The following NPSR1 variants were observed in gnomAD, a reference collection of about 807,000 sequenced individuals.
The protein encoded by NPSR1 is neuropeptide S receptor.
A neutral mutation model predicts 46.9 loss-of-function variants in NPSR1; 48 were observed. That is an observed-to-expected ratio of 1.02 (90% confidence interval 0.81 to 1.30). NPSR1 has a LOEUF of 1.30. Among genes scored for constraint, NPSR1 ranks in the 50% most tolerant of loss-of-function variants. The probability of loss-of-function intolerance (pLI) is 0.00; values close to 1 mark genes in which losing one functional copy is unlikely to be tolerated. For missense variants in NPSR1, 450 were observed against 449.5 expected, an observed-to-expected ratio of 1.00 and a Z score of -0.01; for synonymous variants, 176 against 168.1, an observed-to-expected ratio of 1.05 and a Z score of -0.36.
At chr7:34,721,609 A>C (rs1031894245) in intron 2 of NPSR1, among the ~76,000 whole-genome samples, 3 of 152,258 alleles carry the variant, frequency 2.0e-5, no homozygotes, top group African/African-American at 4.8e-5. Flanking sequence ...CCAAAGTTTC[A>C]GGTAGCACAA....
intron 4 of NPSR1, among the ~76,000 whole-genome samples, chr7:34,815,501 T>A (rs1296640002): frequency 6.6e-6 from 1 of 152,208 alleles, no homozygotes; most frequent in Non-Finnish European, 1.5e-5. Context: ...ACACTCTTCA[T>A]GATATTATCC....
At chr7:34,833,055 G>C in intron 5 of NPSR1, among the ~76,000 whole-genome samples, 1 of 152,202 alleles carries the variant, frequency 6.6e-6, no homozygotes, top group Non-Finnish European at 1.5e-5. Flanking sequence ...GGTTCACTCA[G>C]CAAGAATGGG....
chr7:34,845,465 C>T, intron 7 of NPSR1: 1 of 420,806 alleles, frequency 2.4e-6, no homozygotes, highest in Non-Finnish European at 4.7e-6. Context: ...TCTCTCTACT[C>T]TTAAGACTCA....
chr7:34,691,782 A>G (rs1793274535), intron 2 of NPSR1, among the ~76,000 whole-genome samples: 1 of 152,008 alleles, frequency 6.6e-6, no homozygotes, highest in East Asian at 1.9e-4. Flanking sequence ...CTCCACTGAC[A>G]TCAGTAGACA....
chr7:34,849,608 A>G lies in NPSR1; in HGVS notation c.1069A>G (p.Thr357Ala). ...TTCCAGAATGACGTTCCGGGAGAGA[A>G]CTGAGAGGCATGAGATGCAGATTCT... is the stretch of plus-strand genomic sequence containing the variant. ...QDSRMTFRERTERHEMQILSK... is the reference protein window; with the variant it reads ...QDSRMTFRERAERHEMQILSK... Residue 357 changes from threonine (T) to alanine (A), a missense_variant, in exon 9 of 9, where the codon ACT (threonine) becomes GCT (alanine). Transcript: ENST00000360581. 6.2e-7 allele frequency: 1 copy of G among 1,614,134 alleles called. No homozygotes were observed. Among genetic ancestry groups the G allele is most frequent in the Non-Finnish European group, 8.5e-7 (1 of 1,180,022 alleles).
intron 3 of NPSR1, among the ~76,000 whole-genome samples, chr7:34,808,461 T>C (rs1361250033): frequency 6.6e-6 from 1 of 152,188 alleles, no homozygotes; most frequent in African/African-American, 2.4e-5. Context: ...AAATTGAACA[T>C]GATGTCTTTC....
At chr7:34,847,857 T>C (rs1187902539) in intron 7 of NPSR1, among the ~76,000 whole-genome samples, 1 of 152,186 alleles carries the variant, frequency 6.6e-6, no homozygotes, top group Non-Finnish European at 1.5e-5. Context: ...CCATCACACC[T>C]GAATCCCCAC....
chr7:34,669,178 A>C (rs1791910701), intron 1 of NPSR1, among the ~76,000 whole-genome samples: 1 of 152,218 alleles, frequency 6.6e-6, no homozygotes, highest in African/African-American at 2.4e-5. Context: ...TTGTCAGGGG[A>C]ATATGAAATA....
At chr7:34,810,063 A>C (rs1241481705) in intron 3 of NPSR1, among the ~76,000 whole-genome samples, 1 of 152,206 alleles carries the variant, frequency 6.6e-6, no homozygotes, top group Non-Finnish European at 1.5e-5. Context: ...CATTTGTAGA[A>C]ATAACAAATC....
intron 1 of NPSR1, among the ~76,000 whole-genome samples, chr7:34,662,396 A>C (rs1179224931): frequency 7.8e-6 from 1 of 128,550 alleles, no homozygotes; most frequent in Non-Finnish European, 1.6e-5. Flanking sequence ...AGCAAATTTC[A>C]ACTCAACGCA....
chr7:34,765,353 G>T (rs1022359307), intron 2 of NPSR1, among the ~76,000 whole-genome samples: 1 of 151,876 alleles, frequency 6.6e-6, no homozygotes, highest in Non-Finnish European at 1.5e-5. Context: ...TATTAGACAC[G>T]GACTTTAAAT....
chr7:34,835,020 G>C (rs1790300279), intron 6 of NPSR1, among the ~76,000 whole-genome samples: 1 of 152,180 alleles, frequency 6.6e-6, no homozygotes, highest in Non-Finnish European at 1.5e-5. Context: ...CAGTAAACCT[G>C]AATGCAGAGC....
At chr7:34,748,565 G>A (rs937056077) in intron 2 of NPSR1, among the ~76,000 whole-genome samples, 2 of 152,138 alleles carry the variant, frequency 1.3e-5, no homozygotes, top group African/African-American at 2.4e-5. Flanking sequence ...CATACAACCG[G>A]GAATTCCTAC....
chr7:34,844,262 T>A (rs1044947662), intron 6 of NPSR1, among the ~76,000 whole-genome samples: 1 of 152,184 alleles, frequency 6.6e-6, no homozygotes, highest in Non-Finnish European at 1.5e-5. Flanking sequence ...ATTGAATATG[T>A]GTTTAGGCTA....
At chr7:34,805,159 T>C (rs1258529532) in intron 3 of NPSR1, among the ~76,000 whole-genome samples, 1 of 151,992 alleles carries the variant, frequency 6.6e-6, no homozygotes, top group South Asian at 2.1e-4. Context: ...CCCAACGAGA[T>C]ATTTTATCAA....
At chr7:34,791,044 A>T (rs1303328411) in intron 3 of NPSR1, among the ~76,000 whole-genome samples, 3 of 112,368 alleles carry the variant, frequency 2.7e-5, no homozygotes, top group Admixed American at 1.0e-4. Flanking sequence ...ATATTATATT[A>T]TATATGTTAT....
At chr7:34,688,536 C>T (rs1432540795) in intron 2 of NPSR1, among the ~76,000 whole-genome samples, 3 of 152,196 alleles carry the variant, frequency 2.0e-5, no homozygotes, top group Non-Finnish European at 4.4e-5. Flanking sequence ...ACACAAAGAA[C>T]TTGGTGTAGT....
At chr7:34,807,913 A>T (rs1001153357) in intron 3 of NPSR1, among the ~76,000 whole-genome samples, 12 of 150,754 alleles carry the variant, frequency 8.0e-5, no homozygotes, top group African/African-American at 2.9e-4. Context: ...CCACCACCAC[A>T]AAATCCGTAT....
chr7:34,859,403 T>C lies in NPSR1; in HGVS notation c.1025+10740T>C, dbSNP rs561577854. ...TGCTTGTTTTCATTCTTTCTGCCCT[T>C]CCTTGTCCCCCAGAGTGGAGATCTG... On this transcript the variant is annotated intron_variant, in intron 8 of 8. Coordinates refer to the NPSR1 transcript ENST00000359791. Among the ~76,000 whole-genome samples the C allele has an allele frequency of 3.3e-5, 5 of 151,736 alleles. No individual in the cohort carries two copies. The East Asian group carries it at 7.7e-4, about 23-fold the overall frequency.
Sources: gnomAD v4.1 joint callset for allele counts (sites outside exome capture counted in the v4.1 genomes callset) on GRCh38, gnomAD v4.1.1 for gene constraint, MANE v1.5 for transcripts, NCBI Gene and HGNC (gene_info 2026-07-23, HGNC 2026-07-21) for gene names.